Variants in DNAH17 observed in about 807,000 individuals in gnomAD.
DNAH17 encodes axonemal beta dynein heavy chain 17.
A neutral mutation model predicts 485.6 loss-of-function variants in DNAH17; 376 were observed. The observed-to-expected ratio is 0.77, with a 90% CI of 0.71 to 0.84. The LOEUF is 0.84. Ranked by LOEUF, DNAH17 falls within the 40% of genes least tolerant of loss-of-function variation. The probability of loss-of-function intolerance (pLI) is 0.00; values close to 1 mark genes in which losing one functional copy is unlikely to be tolerated. For synonymous variants in DNAH17, 3,031 were observed against 2,405.9 expected (o/e 1.26, Z -7.60); for missense variants, 6,370 against 5,839.3 (o/e 1.09, Z -2.96).
At chr17:78,509,993 C>T (rs967538026) in intron 27 of DNAH17, among the ~76,000 whole-genome samples, 1 of 152,022 alleles carries the variant, frequency 6.6e-6, no homozygotes, top group Non-Finnish European at 1.5e-5. Flanking sequence ...ACCAGACTGG[C>T]CAACATGGTG....
At chr17:78,543,206 C>T (rs147605789) in intron 17 of DNAH17, among the ~76,000 whole-genome samples, 1,631 of 152,342 alleles carry the variant, frequency 0.011, 38 homozygotes, top group African/African-American at 0.038. Context: ...CCTCCGCCTC[C>T]CAGGGTCAAG....
intron 54 of DNAH17, among the ~76,000 whole-genome samples, chr17:78,469,424 A>C (rs2088644018): frequency 6.6e-6 from 1 of 152,150 alleles, no homozygotes; most frequent in Admixed American, 6.6e-5. Flanking sequence ...TACAGGTGTG[A>C]GCCACTGTGC....
Position 78,505,325 on chromosome 17 carries a change from C to T in DNAH17, c.4924G>A (p.Val1642Ile). ...GMYSKEDEYM[V>I]FDQECDLSGQ... ...GAGAGGTCGCATTCCTGATCAAAAA[C>T]CATGTACTCGTCCTCCTTGCTGTAC... The change falls in exon 31 of 81, where the codon GTT becomes ATT. Residue 1642 changes from valine to isoleucine, a missense_variant. By Grantham distance (29) the Val-to-Ile change is conservative. Transcript: ENST00000389840. 6.2e-7 allele frequency: 1 copy of T among 1,613,960 alleles called. No homozygotes were observed. Among genetic ancestry groups the T allele is most frequent in the Non-Finnish European group, 8.5e-7 (1 of 1,179,874 alleles).
At chr17:78,542,124 C>A (rs565333034) in intron 17 of DNAH17, among the ~76,000 whole-genome samples, 20 of 145,948 alleles carry the variant, frequency 1.4e-4, no homozygotes, top group South Asian at 4.3e-4. Context: ...ACCGCCCCCC[C>A]CAAAAACTGC....
rs756177382 is a variant in DNAH17 at position 78,450,407 on chromosome 17, A to C, written c.10900-13T>G. On this transcript the variant is annotated splice_polypyrimidine_tract_variant and intron_variant, in intron 67 of 80. Transcript: ENST00000389840. ...TTGCCTCCACCACCTCGACACAAAC[A>C]AAAGGGGTGTGAATGACACAGCAGA... The C allele has an allele frequency of 6.2e-7, 1 of 1,613,444 alleles. No homozygotes were observed. The highest frequency in any genetic ancestry group is 1.7e-5 in the Admixed American group (1 of 59,930).
intron 31 of DNAH17, among the ~76,000 whole-genome samples, chr17:78,503,438 G>A (rs1224376188): frequency 6.6e-6 from 1 of 150,914 alleles, no homozygotes; most frequent in African/African-American, 2.4e-5. Context: ...GCCCACCTCG[G>A]CCTCCTAAAG....
At chr17:78,576,189 T>C (rs2092430140) in intron 1 of DNAH17, among the ~76,000 whole-genome samples, 1 of 152,188 alleles carries the variant, frequency 6.6e-6, no homozygotes, top group African/African-American at 2.4e-5. Flanking sequence ...CCCAAGCTAT[T>C]GCTTTTAAGT....
intron 25 of DNAH17, among the ~76,000 whole-genome samples, chr17:78,523,556 G>C (rs1387503141): frequency 6.6e-6 from 1 of 152,156 alleles, no homozygotes; most frequent in African/African-American, 2.4e-5. Flanking sequence ...AAGTCAACTA[G>C]AAAATGGATA....
Position 78,444,631 on chromosome 17 carries a change from C to T in DNAH17, c.11501G>A (p.Arg3834Gln), listed in dbSNP as rs751915627. Residue 3834 changes from arginine (R) to glutamine (Q), a missense_variant, in exon 71 of 81, where the codon CGG (arginine) becomes CAG (glutamine). Physicochemically the swap from Arg to Gln is conservative, Grantham distance 43. Coordinates refer to ENST00000389840, the MANE Select transcript of DNAH17 (RefSeq NM_173628.4). ...LQKLCMVRCL[R>Q]PDRMTYAIKN... ...GATAGCGTAGGTCATGCGATCTGGC[C>T]GCAGGCAGCGCACCATGCACAGCTT... The T allele has an allele frequency of 3.8e-6, 6 of 1,587,452 alleles. No individual in the cohort carries two copies. Among genetic ancestry groups the T allele is most frequent in the East Asian group, 4.6e-5 (2 of 43,740 alleles).
intron 13 of DNAH17, among the ~76,000 whole-genome samples, chr17:78,559,771 C>T (rs527537549): frequency 1.3e-5 from 2 of 152,222 alleles, no homozygotes; most frequent in East Asian, 1.9e-4. Flanking sequence ...GGCCCTTCCT[C>T]GTCACCTCTC....
intron 48 of DNAH17, 129 bp downstream of exon 48, chr17:78,484,739 A>ACCCCCCC: frequency 5.8e-6 from 2 of 347,796 alleles, no homozygotes; most frequent in African/African-American, 2.7e-5. Flanking sequence ...ACGTTGCAGC[A>ACCCCCCC]CCCCCCCCAC....
intron 48 of DNAH17, among the ~76,000 whole-genome samples, chr17:78,483,224 C>T (rs940112677): frequency 3.3e-5 from 5 of 152,228 alleles, no homozygotes; most frequent in African/African-American, 9.7e-5. Flanking sequence ...CTGATGCCTC[C>T]GTCCCCACAT....
intron 14 of DNAH17, among the ~76,000 whole-genome samples, chr17:78,553,816 C>T (rs972140713): frequency 6.6e-5 from 10 of 152,094 alleles, no homozygotes; most frequent in Non-Finnish European, 1.3e-4. Flanking sequence ...CCATCTTTTC[C>T]GTTACTTTTA....
intron 37 of DNAH17, among the ~76,000 whole-genome samples, chr17:78,497,414 G>C (rs148511325): frequency 2.6e-5 from 4 of 152,190 alleles, no homozygotes; most frequent in Non-Finnish European, 4.4e-5. Flanking sequence ...CTTGTCCCCT[G>C]GCAGGACTGG....
chr17:78,574,559 G>T (rs2092406347), intron 2 of DNAH17, among the ~76,000 whole-genome samples, 154 bp downstream of exon 2: 1 of 152,148 alleles, frequency 6.6e-6, no homozygotes, highest in Non-Finnish European at 1.5e-5. Context: ...AGCAGGTCAG[G>T]GTGGACGGGG....
In DNAH17 at chr17:78,457,736, C is replaced by T. The variant is rs190065787; in HGVS notation, c.9977+829G>A. 4.1e-4 allele frequency among the ~76,000 whole-genome samples: 61 copies of T among 147,872 alleles called. No homozygotes were observed. The East Asian group carries it at 7.4e-3, about 18-fold the overall frequency. Reference sequence around the variant, plus strand: ...AGTACAATGGCGCGATCTCGGCTCACTGCAACCTCCGCCTCCTGGGTTCAG... The same window carrying T: ...AGTACAATGGCGCGATCTCGGCTCATTGCAACCTCCGCCTCCTGGGTTCAG... On this transcript the variant is annotated intron_variant, in intron 62 of 80. Coordinates refer to ENST00000389840, the MANE Select transcript of DNAH17 (RefSeq NM_173628.4).
In DNAH17 at chr17:78,506,917, C is replaced by G. The variant is rs913041421; in HGVS notation, c.4677-71G>C. ...TAGGGATGTCTGCCACCCACCCTGT[C>G]GGCGAAGGAAACTGATCATCCTGGA... On this transcript the variant is annotated intron_variant, in intron 29 of 80. Coordinates refer to ENST00000389840, the MANE Select transcript of DNAH17 (RefSeq NM_173628.4). The G allele has an allele frequency of 1.1e-5, 18 of 1,589,968 alleles. No homozygotes were observed. In the South Asian group the frequency reaches 2.0e-4, roughly 18 times the overall value.
At chr17:78,534,460 G>A (rs1598660970) in intron 19 of DNAH17, among the ~76,000 whole-genome samples, 3 of 152,234 alleles carry the variant, frequency 2.0e-5, no homozygotes, top group South Asian at 2.1e-4. Context: ...GAAGCTCCTC[G>A]TGGCTGCAGG....
At chr17:78,465,166 A>G (rs1267326978) in intron 56 of DNAH17, among the ~76,000 whole-genome samples, 1 of 152,210 alleles carries the variant, frequency 6.6e-6, no homozygotes, top group Non-Finnish European at 1.5e-5. Context: ...CCCTAACCGC[A>G]AGTGATCCGC....
Sources: allele counts gnomAD v4.1 joint callset (sites outside exome capture counted in the v4.1 genomes callset), GRCh38; gene constraint gnomAD v4.1.1; transcripts MANE v1.5; gene names NCBI Gene and HGNC (gene_info 2026-07-23, HGNC 2026-07-21).